Variants in CHCHD3 observed in about 807,000 individuals in gnomAD.
CHCHD3 encodes the protein coiled-coil-helix-coiled-coil-helix domain containing 3.
Under a neutral mutation model 38.2 loss-of-function variants are expected in CHCHD3, and 20 were observed. The ratio of observed to expected loss-of-function variants is 0.52; its 90% confidence interval spans 0.37 to 0.76. The LOEUF (loss-of-function observed/expected upper bound fraction) is 0.76. Ranked by LOEUF, CHCHD3 falls within the 30% of genes least tolerant of loss-of-function variation. The probability of loss-of-function intolerance (pLI) is 0.00; values close to 1 mark genes in which losing one functional copy is unlikely to be tolerated. For synonymous variants in CHCHD3, 82 were observed against 100.0 expected (o/e 0.82, Z 1.07); for missense variants, 245 against 279.2 (o/e 0.88, Z 0.87).
At chr7:132,989,591 G>C (rs996477375) in intron 3 of CHCHD3, among the ~76,000 whole-genome samples, 1 of 152,144 alleles carries the variant, frequency 6.6e-6, no homozygotes, top group Non-Finnish European at 1.5e-5. Flanking sequence ...TGTCCTGGAT[G>C]CTCTTGGACC....
At chr7:132,790,207 G>C (rs1199364806) in intron 7 of CHCHD3, among the ~76,000 whole-genome samples, 2 of 152,140 alleles carry the variant, frequency 1.3e-5, no homozygotes, top group African/African-American at 4.8e-5. Flanking sequence ...TATCTTCTAT[G>C]ACAAATGCTC....
intron 5 of CHCHD3, among the ~76,000 whole-genome samples, chr7:132,885,448 G>C (rs1809180365): frequency 6.6e-6 from 1 of 152,096 alleles, no homozygotes; most frequent in African/African-American, 2.4e-5. Context: ...GTGGTAAAAT[G>C]CATCAGTGAA....
At chr7:133,069,354 C>G (rs1053821237) in intron 2 of CHCHD3, among the ~76,000 whole-genome samples, 2 of 152,054 alleles carry the variant, frequency 1.3e-5, no homozygotes, top group Admixed American at 6.5e-5. Context: ...GGCATTTGGG[C>G]AGGATCTCGT....
At chr7:132,908,851 T>C (rs1013620159) in intron 4 of CHCHD3, among the ~76,000 whole-genome samples, 8 of 152,216 alleles carry the variant, frequency 5.3e-5, no homozygotes, top group Admixed American at 3.9e-4. Flanking sequence ...TGTTATATCA[T>C]TTAATTCTCA....
chr7:132,908,999 T>C (rs1809868766), intron 4 of CHCHD3, among the ~76,000 whole-genome samples: 1 of 152,112 alleles, frequency 6.6e-6, no homozygotes, highest in Admixed American at 6.5e-5. Context: ...TAAGAGGTAA[T>C]TGAATCATGG....
chr7:132,875,816 G>A (rs1808882736), intron 5 of CHCHD3, among the ~76,000 whole-genome samples: 2 of 152,124 alleles, frequency 1.3e-5, no homozygotes, highest in Non-Finnish European at 2.9e-5. Context: ...TAGTCTACAC[G>A]GACAAATTGG....
In CHCHD3 at chr7:133,027,363, AAG is replaced by A. The variant is rs371411456; in HGVS notation, c.170-2738_170-2737del. Reference sequence around the variant, plus strand: ...TGCTAAATGTACCTTAATAAGTTGTAAGAGAGAGAGAGAGAGAGAGAGAAAGA... The same window carrying A: ...TGCTAAATGTACCTTAATAAGTTGTAAGAGAGAGAGAGAGAGAGAGAAAGA... On this transcript the variant is annotated intron_variant, in intron 2 of 7. Coordinates refer to ENST00000262570, the MANE Select transcript of CHCHD3 (RefSeq NM_017812.4). Among the ~76,000 whole-genome samples the A allele has an allele frequency of 1.6e-3, 213 of 133,792 alleles. 1 individual carries two copies. Among genetic ancestry groups the A allele is most frequent in the African/African-American group, 4.5e-3 (164 of 36,470 alleles). The allele number at this position is 133,792 out of a possible 152,430, so 87.8% of individuals were successfully genotyped here. A position where few individuals can be genotyped will look rare whatever the true frequency, so the allele number is the denominator to read the frequency against.
chr7:132,885,454 G>A (rs1809180624), intron 5 of CHCHD3, among the ~76,000 whole-genome samples: 1 of 152,078 alleles, frequency 6.6e-6, no homozygotes, highest in Admixed American at 6.6e-5. Flanking sequence ...AAATGCATCA[G>A]TGAACAAATA....
chr7:133,018,875 CTTTTT>C (rs5887607), intron 3 of CHCHD3, among the ~76,000 whole-genome samples: 3 of 70,160 alleles, frequency 4.3e-5, no homozygotes, highest in South Asian at 1.2e-3. Context: ...CATGATTTCT[CTTTTT>C]TTTTTTTTTT....
chr7:132,797,395 C>T (rs930961163), intron 6 of CHCHD3, among the ~76,000 whole-genome samples: 1 of 152,206 alleles, frequency 6.6e-6, no homozygotes, highest in African/African-American at 2.4e-5. Flanking sequence ...CTCCACCCCC[C>T]AACCCTGGTA....
chr7:132,833,869 C>T (rs757876648), intron 6 of CHCHD3, among the ~76,000 whole-genome samples: 1 of 152,066 alleles, frequency 6.6e-6, no homozygotes, highest in Admixed American at 6.6e-5. Flanking sequence ...TTGTATGACC[C>T]CTGATCAGGT....
At chr7:132,988,255 A>G (rs1391740703) in intron 3 of CHCHD3, among the ~76,000 whole-genome samples, 8 of 151,866 alleles carry the variant, frequency 5.3e-5, no homozygotes. Context: ...AACTCAGCCC[A>G]ACTTCAGAGC....
chr7:133,013,244 G>C (rs968375908), intron 3 of CHCHD3, among the ~76,000 whole-genome samples: 2 of 150,392 alleles, frequency 1.3e-5, no homozygotes, highest in African/African-American at 4.9e-5. Flanking sequence ...ATTACTGCTG[G>C]ATCAGAAAAT....
intron 4 of CHCHD3, among the ~76,000 whole-genome samples, chr7:132,894,165 A>G (rs544147381): frequency 1.4e-4 from 22 of 152,216 alleles, no homozygotes; most frequent in Non-Finnish European, 3.1e-4. Flanking sequence ...GCGCTTAACA[A>G]AAGAAGCAAA....
intron 4 of CHCHD3, chr7:132,973,244 G>T (rs76068378): frequency 8.1e-5 from 80 of 985,246 alleles, no homozygotes; most frequent in Middle Eastern, 5.2e-4. Flanking sequence ...GCCAACCAAG[G>T]TATTCTTCTG....
intron 1 of CHCHD3, among the ~76,000 whole-genome samples, chr7:133,072,336 A>G (rs1208462025): frequency 6.6e-6 from 1 of 152,154 alleles, no homozygotes; most frequent in Non-Finnish European, 1.5e-5. Context: ...AAATACTAAC[A>G]TTCACTGAGT....
intron 4 of CHCHD3, among the ~76,000 whole-genome samples, chr7:132,893,123 A>G (rs544593619): frequency 1.3e-5 from 2 of 152,314 alleles, no homozygotes; most frequent in Non-Finnish European, 2.9e-5. Context: ...CAGGCACTCA[A>G]TGCCAGCCCA....
intron 6 of CHCHD3, among the ~76,000 whole-genome samples, chr7:132,823,783 C>T (rs1002948125): frequency 1.3e-5 from 2 of 152,196 alleles, no homozygotes; most frequent in Non-Finnish European, 2.9e-5. Context: ...GTTTGTCTCT[C>T]ACACATTCAT....
intron 4 of CHCHD3, among the ~76,000 whole-genome samples, chr7:132,933,351 A>C (rs1810560209): frequency 6.6e-6 from 1 of 152,216 alleles, no homozygotes; most frequent in South Asian, 2.1e-4. Flanking sequence ...TGGTGTGCTC[A>C]GCATGCCATA....
Sources: allele counts gnomAD v4.1 joint callset (sites outside exome capture counted in the v4.1 genomes callset), GRCh38; gene constraint gnomAD v4.1.1; transcripts MANE v1.5; gene names NCBI Gene and HGNC (gene_info 2026-07-23, HGNC 2026-07-21).